Variants in TBL1X observed in about 807,000 individuals in gnomAD.
TBL1X encodes F-box-like/WD repeat-containing protein TBL1X.
TBL1X carries 10 observed loss-of-function variants against 50.7 expected under a neutral mutation model. The observed-to-expected ratio is 0.20, with a 90% confidence interval of 0.12 to 0.33. The LOEUF (loss-of-function observed/expected upper bound fraction) is 0.33. Among genes scored for constraint, TBL1X ranks in the 10% least tolerant of loss-of-function variants. The probability of loss-of-function intolerance (pLI) is 1.00; values close to 1 mark genes in which losing one functional copy is unlikely to be tolerated. For missense variants in TBL1X, 340 were observed against 504.4 expected, an observed-to-expected ratio of 0.67 and a Z score of 3.12; for synonymous variants, 190 against 214.7, an observed-to-expected ratio of 0.88 and a Z score of 1.01.
At chrX:9,604,840 C>T (rs769261386) in intron 2 of TBL1X, among the ~76,000 whole-genome samples, 2 of 110,865 alleles carry the variant, frequency 1.8e-5, no homozygotes, top group South Asian at 4.0e-4. Flanking sequence ...GAGGAGAAGA[C>T]GTTTCACCCT....
At chrX:9,657,998 C>T (rs190991709) in intron 5 of TBL1X, among the ~76,000 whole-genome samples, 1 of 111,505 alleles carries the variant, frequency 9.0e-6, no homozygotes, top group African/African-American at 3.3e-5. Flanking sequence ...ATCATGGGAG[C>T]AGGTTTTCCC....
chrX:9,526,279 G>A (rs142798637), intron 2 of TBL1X, among the ~76,000 whole-genome samples: 1,771 of 111,526 alleles, frequency 0.016, 27 homozygotes, highest in African/African-American at 0.054. Flanking sequence ...TGGGGCCGGA[G>A]GTGGAGATGA....
At chrX:9,574,102 C>G (rs2082398649) in intron 2 of TBL1X, among the ~76,000 whole-genome samples, 1 of 111,078 alleles carries the variant, frequency 9.0e-6, no homozygotes. Flanking sequence ...AAGTGATGCA[C>G]TTTGGACTCG....
intron 2 of TBL1X, among the ~76,000 whole-genome samples, chrX:9,540,548 T>G (rs1338115800): frequency 2.7e-5 from 3 of 112,836 alleles, no homozygotes; most frequent in Non-Finnish European, 5.6e-5. Context: ...AATTAAAAAC[T>G]GTGCTTGTTA....
chrX:9,487,773 C>G (rs1467699828), intron 1 of TBL1X, among the ~76,000 whole-genome samples: 2 of 111,364 alleles, frequency 1.8e-5, no homozygotes, highest in African/African-American at 6.5e-5. Flanking sequence ...CTGCAGGTCT[C>G]TCTTGTGTTG....
chrX:9,564,638 C>T (rs1295749428), intron 2 of TBL1X, among the ~76,000 whole-genome samples: 2 of 110,108 alleles, frequency 1.8e-5, no homozygotes, highest in African/African-American at 3.3e-5. Context: ...GAGGCTGAGG[C>T]AGGAGAATCG....
chrX:9,603,640 T>C (rs2082567920), intron 2 of TBL1X, among the ~76,000 whole-genome samples: 1 of 111,611 alleles, frequency 9.0e-6, no homozygotes, highest in African/African-American at 3.3e-5. Context: ...GCAGTTCCCT[T>C]GGAAGAGAAG....
chrX:9,663,226 G>A (rs2082908652), intron 5 of TBL1X, among the ~76,000 whole-genome samples: 1 of 111,760 alleles, frequency 8.9e-6, no homozygotes, highest in Non-Finnish European at 1.9e-5. Context: ...TCATTTGTAA[G>A]CTACATTGGT....
intron 3 of TBL1X, among the ~76,000 whole-genome samples, chrX:9,642,435 G>A (rs2082780629): frequency 8.9e-6 from 1 of 111,836 alleles, no homozygotes; most frequent in South Asian, 3.7e-4. Flanking sequence ...GGCTTCTAAC[G>A]GTTTCCTTGA....
At chrX:9,658,081 CCTT>C (rs1000908262) in intron 5 of TBL1X, among the ~76,000 whole-genome samples, 3 of 111,531 alleles carry the variant, frequency 2.7e-5, no homozygotes, top group African/African-American at 9.8e-5. Flanking sequence ...CCCTTGCACA[CCTT>C]CTCTTTCCTG....
chrX:9,708,064 G>A, intron 13 of TBL1X, among the ~76,000 whole-genome samples: 1 of 112,107 alleles, frequency 8.9e-6, no homozygotes, highest in South Asian at 3.7e-4. Flanking sequence ...CACATGGTGG[G>A]ACTGGACTGG....
chrX:9,705,138 G>A lies in TBL1X; in HGVS notation c.1236+24G>A, dbSNP rs369500331. On this transcript the variant is annotated intron_variant, in intron 13 of 17. Transcript: ENST00000645353. ...CAGTAAGTGAGAGCTCTTGTCACTG[G>A]TCTCGAGTTTGTGAGAATGTGATGT... The A allele has an allele frequency of 4.1e-6, 5 of 1,211,482 alleles. No homozygotes were observed. The Admixed American group carries it at 1.1e-4, about 26-fold the overall frequency.
At chrX:9,517,869 C>A (rs2082088021) in intron 2 of TBL1X, among the ~76,000 whole-genome samples, 1 of 111,655 alleles carries the variant, frequency 9.0e-6, no homozygotes, top group Non-Finnish European at 1.9e-5. Context: ...CTTTGGGAGG[C>A]TGAAGTGGGA....
intron 2 of TBL1X, among the ~76,000 whole-genome samples, chrX:9,614,693 C>T (rs2082631063): frequency 8.9e-6 from 1 of 111,820 alleles, no homozygotes; most frequent in African/African-American, 3.3e-5. Context: ...TGATTATTCC[C>T]ATTGTACACT....
chrX:9,584,291 A>G (rs2082457217), intron 2 of TBL1X, among the ~76,000 whole-genome samples: 1 of 112,652 alleles, frequency 8.9e-6, no homozygotes, highest in African/African-American at 3.2e-5. Context: ...AAGCAGAAGG[A>G]TGAAAGCAAC....
chrX:9,527,919 G>A (rs1216954104), intron 2 of TBL1X, among the ~76,000 whole-genome samples: 1 of 110,760 alleles, frequency 9.0e-6, no homozygotes, highest in East Asian at 2.8e-4. Context: ...GAGTAGCTGG[G>A]ACCACAGGTG....
intron 3 of TBL1X, among the ~76,000 whole-genome samples, chrX:9,643,681 C>T (rs1230553432): frequency 9.0e-6 from 1 of 110,853 alleles, no homozygotes; most frequent in African/African-American, 3.3e-5. Flanking sequence ...GTGACACCCC[C>T]ATCTTTACAA....
At chrX:9,474,126 AATT>A (rs1014552493) in intron 1 of TBL1X, among the ~76,000 whole-genome samples, 3 of 113,035 alleles carry the variant, frequency 2.7e-5, no homozygotes, top group African/African-American at 9.6e-5. Flanking sequence ...TGCAGGAAGA[AATT>A]ATGAAAATGT....
chrX:9,548,031 C>A (rs1292811334), intron 2 of TBL1X, among the ~76,000 whole-genome samples: 2 of 106,084 alleles, frequency 1.9e-5, no homozygotes, highest in Admixed American at 2.1e-4. Context: ...GGTGCTGCCA[C>A]CACCACCGCT....
Sources: allele counts gnomAD v4.1 joint callset (sites outside exome capture counted in the v4.1 genomes callset), GRCh38; gene constraint gnomAD v4.1.1; transcripts MANE v1.5; gene names NCBI Gene and HGNC (gene_info 2026-07-23, HGNC 2026-07-21).